Variants in OGFOD2 observed in about 807,000 individuals in gnomAD.
OGFOD2 encodes the protein 2-oxoglutarate and iron-dependent oxygenase domain-containing protein 2.
A neutral mutation model predicts 31.1 loss-of-function variants in OGFOD2; 34 were observed. That is an observed-to-expected ratio of 1.09 (90% CI 0.83 to 1.45). The LOEUF is 1.45. OGFOD2 is among the 40% of genes most tolerant of loss of function. OGFOD2 has a pLI of 0.00. For synonymous variants in OGFOD2, 240 were observed against 192.3 expected, an observed-to-expected ratio of 1.25 and a Z score of -2.05; for missense variants, 537 against 433.9, an observed-to-expected ratio of 1.24 and a Z score of -2.11.
At chr12:122,979,973 A>G (rs2037567376) in exon 7 of OGFOD2, 2 of 385,758 alleles carry the variant, frequency 5.2e-6, no homozygotes, top group Non-Finnish European at 9.1e-6. Flanking sequence ...TCGTTTCCTC[A>G]TTTAGCACCT....
chr12:122,975,094 C>G, upstream of OGFOD2: 1 of 498,112 alleles, frequency 2.0e-6, no homozygotes, highest in Non-Finnish European at 3.6e-6. Flanking sequence ...CCAGGAGCAT[C>G]TTTCTCCGCA....
chr12:122,978,182 G>A, intron 4 of OGFOD2: 1 of 366,680 alleles, frequency 2.7e-6, no homozygotes, highest in Non-Finnish European at 5.1e-6. Context: ...TCCCCTCTCT[G>A]GGCCTCAGGA....
At chr12:122,978,931 A>G in exon 6 of OGFOD2, 2 of 1,613,260 alleles carry the variant, frequency 1.2e-6, no homozygotes, top group Non-Finnish European at 1.7e-6. Flanking sequence ...TGCCACTATG[A>G]TAATGCCGAG....
At chr12:122,975,485 G>GT in intron 1 of OGFOD2, 102 bp downstream of exon 1, 2 of 592,716 alleles carry the variant, frequency 3.4e-6, no homozygotes, top group Non-Finnish European at 6.1e-6. Context: ...GCCGCGCACC[G>GT]TATCTTCAAA....
At chr12:122,975,272 G>C (rs1306768353) in exon 1 of OGFOD2, 2 of 687,120 alleles carry the variant, frequency 2.9e-6, no homozygotes, top group Non-Finnish European at 5.3e-6. Flanking sequence ...TGGGGGCTCC[G>C]CGGCACTTCT....
upstream of OGFOD2, chr12:122,974,915 G>C (rs1423139040): frequency 4.7e-6 from 1 of 211,764 alleles, no homozygotes; most frequent in Non-Finnish European, 9.4e-6. Context: ...AGACGGCGGG[G>C]GGTGGGTCGG....
chr12:122,975,866 AG>A lies in OGFOD2; in HGVS notation c.189+1del. The A allele has an allele frequency of 1.4e-6, 1 of 702,900 alleles. No homozygotes were observed. The highest frequency in any genetic ancestry group is 2.6e-6 in the Non-Finnish European group (1 of 384,934). 43.5% of individuals were successfully genotyped at this position (702,900 alleles called of 1,614,324 possible). ...AAGGACTTCCAGCAGCTGTTAGCAG[AG>A]GTACCAGTCCCCTGCCCCTGCACAG... On this transcript the variant is annotated frameshift_variant and splice_region_variant, in exon 2 of 7. Coordinates refer to ENST00000228922, the Ensembl canonical transcript of OGFOD2. LOFTEE classifies it high-confidence loss of function.
intron 4 of OGFOD2, chr12:122,977,621 A>G: frequency 6.0e-6 from 1 of 165,896 alleles, no homozygotes. Context: ...GTTAATCTGC[A>G]TAGAGTGCCT....
intron 2 of OGFOD2, 153 bp downstream of exon 2, chr12:122,976,020 C>G (rs1320229348): frequency 1.6e-6 from 1 of 619,938 alleles, no homozygotes; most frequent in Admixed American, 2.5e-5. Flanking sequence ...TCCCTCCACA[C>G]CTGAGTCTTG....
intron 1 of OGFOD2, 101 bp downstream of exon 1, chr12:122,975,484 C>G: frequency 1.7e-6 from 1 of 596,072 alleles, no homozygotes; most frequent in South Asian, 1.9e-5. Context: ...CGCCGCGCAC[C>G]GTATCTTCAA....
intron 1 of OGFOD2, 26 bp from the exon 2 acceptor site, chr12:122,975,785 A>T (rs1251393469): frequency 8.5e-6 from 6 of 702,564 alleles, no homozygotes; most frequent in Middle Eastern, 2.3e-4. Context: ...TCATACAGTC[A>T]TGCTCAGTGT....
intron 4 of OGFOD2, chr12:122,977,353 C>G: frequency 3.1e-6 from 1 of 326,112 alleles, no homozygotes; most frequent in Non-Finnish European, 6.0e-6. Flanking sequence ...CCCCCCAGGG[C>G]TGGCAACAGG....
chr12:122,979,387 G>C, exon 7 of OGFOD2: 1 of 1,561,582 alleles, frequency 6.4e-7, no homozygotes, highest in East Asian at 2.3e-5. Context: ...GCAGGTGAGG[G>C]CTCCGTTGCC....
exon 7 of OGFOD2, chr12:122,979,726 C>A (rs2135963331): frequency 4.1e-6 from 1 of 245,156 alleles, no homozygotes; most frequent in East Asian, 8.2e-5. Context: ...ACTTCCCAGA[C>A]ACTTATCTCC....
At chr12:122,975,212 GTC>G (rs756548523), upstream of OGFOD2, 8 of 573,318 alleles carry the variant, frequency 1.4e-5, 2 homozygotes, top group South Asian at 1.4e-4. Flanking sequence ...CGTGCCCGAA[GTC>G]TCTCTACGGA....
At chr12:122,978,514 A>C in exon 5 of OGFOD2, 1 of 1,613,510 alleles carries the variant, frequency 6.2e-7, no homozygotes, top group Non-Finnish European at 8.5e-7. Flanking sequence ...GAGCTGGAGC[A>C]CTTCGAGCAA....
exon 6 of OGFOD2, chr12:122,978,972 T>C (rs1264366916): frequency 6.2e-7 from 1 of 1,613,208 alleles, no homozygotes; most frequent in East Asian, 2.2e-5. Context: ...GGGCAAGGTC[T>C]TCACAGGGGG....
At chr12:122,975,184 G>A (rs1265854512), upstream of OGFOD2, 2 of 501,906 alleles carry the variant, frequency 4.0e-6, no homozygotes, top group Non-Finnish European at 3.6e-6. Flanking sequence ...CTGGTTCCGC[G>A]CCTCCCGCGG....
chr12:122,975,328 A>G (rs1479765847), exon 1 of OGFOD2: 3 of 702,046 alleles, frequency 4.3e-6, no homozygotes, highest in Non-Finnish European at 7.8e-6. Flanking sequence ...GTGGCGCGCT[A>G]TGGGCTGCAC....
Sources: gnomAD v4.1 joint callset for allele counts on GRCh38, gnomAD v4.1.1 for gene constraint, MANE v1.5 for transcripts, NCBI Gene and HGNC (gene_info 2026-07-23, HGNC 2026-07-21) for gene names.